GALNS: variants seen among roughly 807,000 people sequenced by gnomAD.
The protein encoded by GALNS is galactosamine (N-acetyl)-6-sulfatase.
In GALNS, 65 loss-of-function variants were observed where a neutral mutation model predicts 65.9. The ratio of observed to expected loss-of-function variants is 0.99; its 90% CI spans 0.81 to 1.21. The LOEUF (loss-of-function observed/expected upper bound fraction) is 1.21. Ranked by LOEUF, GALNS falls within the 50% of genes most tolerant of loss-of-function variation. The pLI, the probability that GALNS is intolerant of heterozygous loss-of-function variation, is 0.00. For synonymous variants in GALNS, 346 were observed against 288.9 expected (o/e 1.20, Z -2.00); for missense variants, 776 against 700.7 (o/e 1.11, Z -1.21).
intron 10 of GALNS, 144 bp downstream of exon 10, chr16:88,826,558 C>A (rs1214635581): frequency 2.0e-6 from 2 of 991,088 alleles, no homozygotes; most frequent in African/African-American, 1.6e-5. Flanking sequence ...GTCTCAGGCA[C>A]CCCTGCCTCC....
intron 4 of GALNS, chr16:88,837,968 A>G: frequency 5.1e-6 from 3 of 591,684 alleles, no homozygotes; most frequent in Non-Finnish European, 6.0e-6. Flanking sequence ...CCTACCCTGC[A>G]GAGCGTCTGG....
Position 88,855,310 on chromosome 16 carries a change from T to G in GALNS, c.120+1448A>C, listed in dbSNP as rs543251296. The G allele has an allele frequency of 2.0e-5, 14 of 700,070 alleles. No individual in the cohort carries two copies. The East Asian group carries it at 3.0e-4, about 15-fold the overall frequency. 43.4% of individuals were successfully genotyped at this position (700,070 alleles called of 1,614,324 possible). On this transcript the variant is annotated intron_variant, in intron 1 of 13. Coordinates refer to ENST00000268695, the MANE Select transcript of GALNS (RefSeq NM_000512.5). ...CAGAGCCCAGCTCATCCAGCGAAGC[T>G]ATGCTGGCCCAGAAGGAGTTACACA...
At chr16:88,825,736 G>C (rs1175814313) in intron 10 of GALNS, among the ~76,000 whole-genome samples, 1 of 152,104 alleles carries the variant, frequency 6.6e-6, no homozygotes, top group Non-Finnish European at 1.5e-5. Context: ...TCCTGACCAT[G>C]TTGGGCCTGC....
At chr16:88,836,315 AGTC>A in intron 5 of GALNS, 48 bp from the exon 6 acceptor site, 1 of 1,465,458 alleles carries the variant, frequency 6.8e-7, no homozygotes. Flanking sequence ...AGGCCAAGAA[AGTC>A]CCGTTCTCCC....
chr16:88,855,134 CTAACTT>C (rs1291794659), intron 1 of GALNS: 8 of 566,814 alleles, frequency 1.4e-5, no homozygotes, highest in African/African-American at 9.4e-5. Context: ...GAAATACAGA[CTAACTT>C]TATATTTTAT....
intron 8 of GALNS, 53 bp from the exon 9 acceptor site, chr16:88,832,154 T>C (rs1911576714): frequency 5.7e-6 from 8 of 1,414,824 alleles, no homozygotes; most frequent in Non-Finnish European, 6.9e-6. Flanking sequence ...CCCCAGGCCC[T>C]CCCCCTCCCT....
chr16:88,856,281 C>T (rs1051764355), intron 1 of GALNS: 3 of 703,014 alleles, frequency 4.3e-6, no homozygotes, highest in Non-Finnish European at 7.8e-6. Flanking sequence ...ACCCGGCGGC[C>T]CGAGGTGGCG....
chr16:88,828,073 G>A (rs568368209), intron 9 of GALNS, among the ~76,000 whole-genome samples: 104 of 152,374 alleles, frequency 6.8e-4, no homozygotes, highest in Non-Finnish European at 1.3e-3. Context: ...GTGGGGCAGG[G>A]AATGCAAAGC....
chr16:88,835,465 C>A, intron 7 of GALNS, 113 bp from the exon 8 acceptor site: 1 of 1,429,770 alleles, frequency 7.0e-7, no homozygotes. Context: ...ACTTCACAGA[C>A]CACAGTGAAA....
At chr16:88,833,115 G>A (rs955618644) in intron 8 of GALNS, among the ~76,000 whole-genome samples, 7 of 148,898 alleles carry the variant, frequency 4.7e-5, no homozygotes, top group Middle Eastern at 7.1e-3. Context: ...ATATTTTTCC[G>A]GCAGTGAAAA....
Position 88,841,171 on chromosome 16 carries a change from G to A in GALNS, c.320-77C>T. ...CAACCCCATCCTAACAGGACACTGG[G>A]GGCTGCGTCCACACATCCTAACAGG... On this transcript the variant is annotated intron_variant, in intron 3 of 13. Coordinates refer to ENST00000268695, the MANE Select transcript of GALNS (RefSeq NM_000512.5). 3 of 1,127,932 alleles carry A rather than the reference G, an allele frequency of 2.7e-6. No individual in the cohort carries two copies. The South Asian group carries it at 3.7e-5, about 14-fold the overall frequency. The allele number at this position is 1,127,932 out of a possible 1,614,324, so 69.9% of individuals were successfully genotyped here. A position where few individuals can be genotyped will look rare whatever the true frequency, so the allele number is the denominator to read the frequency against.
chr16:88,815,221 A>G, intron 13 of GALNS: 1 of 985,424 alleles, frequency 1.0e-6, no homozygotes. Context: ...AGAAATGAGA[A>G]CTTGGTGGGG....
chr16:88,822,775 T>C (rs1910376882), intron 11 of GALNS, 65 bp from the exon 12 acceptor site: 2 of 1,583,964 alleles, frequency 1.3e-6, no homozygotes, highest in Admixed American at 3.5e-5. Flanking sequence ...GGGCCTCGTC[T>C]GCCCGTGTCC....
rs147657978 is a variant in GALNS at position 88,850,177 on chromosome 16, G to A, written c.120+6581C>T. ...GGGGGCACAAGGCCTGGGATGGGAG[G>A]GAGCAGTATGTTTCGCCCGTTACAC... On this transcript the variant is annotated intron_variant, in intron 1 of 13. Coordinates refer to ENST00000268695, the MANE Select transcript of GALNS (RefSeq NM_000512.5). Among the ~76,000 whole-genome samples the A allele has an allele frequency of 2.6e-4, 39 of 152,300 alleles. 1 individual carries two copies. The East Asian group carries it at 6.4e-3, about 25-fold the overall frequency.
intron 1 of GALNS, chr16:88,843,317 C>T: frequency 1.3e-6 from 1 of 766,442 alleles, no homozygotes; most frequent in South Asian, 1.6e-5. Context: ...TTCCACGCTG[C>T]AACTCCACTC....
At chr16:88,836,999 A>G (rs1029511890) in intron 5 of GALNS, among the ~76,000 whole-genome samples, 2 of 152,206 alleles carry the variant, frequency 1.3e-5, no homozygotes, top group African/African-American at 4.8e-5. Flanking sequence ...TGCGACTCCC[A>G]CACCTCCACG....
At chr16:88,851,128 C>T (rs1331463489) in intron 1 of GALNS, among the ~76,000 whole-genome samples, 4 of 152,132 alleles carry the variant, frequency 2.6e-5, no homozygotes, top group African/African-American at 9.6e-5. Flanking sequence ...CAGGTGTGGA[C>T]AGCCTCCCTG....
chr16:88,848,815 CCGGGGACCG>C (rs1412696472), intron 1 of GALNS, among the ~76,000 whole-genome samples: 6 of 152,316 alleles, frequency 3.9e-5, no homozygotes, highest in African/African-American at 1.4e-4. Flanking sequence ...GCGCTGGGCC[CCGGGGACCG>C]CGGGAGGACA....
chr16:88,846,873 G>C (rs924289455), intron 1 of GALNS, among the ~76,000 whole-genome samples: 3 of 152,002 alleles, frequency 2.0e-5, no homozygotes, highest in African/African-American at 7.2e-5. Context: ...CCCGACCCCC[G>C]TGTGTGGTCC....
Sources: gnomAD v4.1 joint callset for allele counts (sites outside exome capture counted in the v4.1 genomes callset) on GRCh38, gnomAD v4.1.1 for gene constraint, MANE v1.5 for transcripts, NCBI Gene and HGNC (gene_info 2026-07-23, HGNC 2026-07-21) for gene names.